Variants in RBFOX1 observed in about 807,000 individuals in gnomAD.
RBFOX1 encodes RNA binding protein fox-1 homolog 1.
Under a neutral mutation model 57.7 loss-of-function variants are expected in RBFOX1, and 8 were observed. The ratio of observed to expected loss-of-function variants is 0.14; its 90% CI spans 0.08 to 0.25. The LOEUF is 0.25. Ranked by LOEUF, RBFOX1 falls within the 10% of genes least tolerant of loss-of-function variation. The pLI is 1.00. For synonymous variants in RBFOX1, 326 were observed against 222.4 expected (o/e 1.47, Z -4.15); for missense variants, 611 against 548.5 (o/e 1.11, Z -1.14).
intron 3 of RBFOX1, among the ~76,000 whole-genome samples, chr16:7,036,201 CA>C (rs2044365922): frequency 9.7e-6 from 1 of 103,006 alleles, no homozygotes; most frequent in African/African-American, 3.1e-5. Context: ...TTCACCTTGA[CA>C]TTTTTTTTTT....
At chr16:5,337,902 G>A (rs1253280447) in intron 1 of RBFOX1, among the ~76,000 whole-genome samples, 1 of 152,040 alleles carries the variant, frequency 6.6e-6, no homozygotes, top group East Asian at 1.9e-4. Flanking sequence ...AAATTAGCTG[G>A]ACATGGTGGT....
chr16:6,139,367 G>A (rs535301316), intron 1 of RBFOX1, among the ~76,000 whole-genome samples: 60 of 152,282 alleles, frequency 3.9e-4, no homozygotes, highest in African/African-American at 1.4e-3. Context: ...GCTGCTTTCT[G>A]GCTGTGTGGT....
At chr16:5,846,088 A>G (rs1597468789) in intron 3 of RBFOX1, among the ~76,000 whole-genome samples, 1 of 152,094 alleles carries the variant, frequency 6.6e-6, no homozygotes. Flanking sequence ...AGGCTGAGGT[A>G]GGAGAATCAC....
At chr16:5,291,358 G>T (rs2063531184) in intron 1 of RBFOX1, among the ~76,000 whole-genome samples, 1 of 151,294 alleles carries the variant, frequency 6.6e-6, no homozygotes, top group Non-Finnish European at 1.5e-5. Context: ...CGCCTTCCGG[G>T]TTCACGCCAT....
At chr16:7,639,244 C>G (rs573344616) in intron 11 of RBFOX1, among the ~76,000 whole-genome samples, 12 of 152,280 alleles carry the variant, frequency 7.9e-5, no homozygotes, top group African/African-American at 2.6e-4. Flanking sequence ...GATCTTCTGT[C>G]TGAACTGTTT....
At chr16:5,599,163 C>G (rs551557178) in exon 3 of RBFOX1, 43 of 707,952 alleles carry the variant, frequency 6.1e-5, no homozygotes, top group Admixed American at 1.4e-4. Context: ...TTCCCAGCCT[C>G]TGGTACATGG....
intron 5 of RBFOX1, among the ~76,000 whole-genome samples, chr16:7,567,084 T>TGTATATATATCCCTATATATATATATCC (rs1427716551): frequency 7.4e-6 from 1 of 135,832 alleles, no homozygotes; most frequent in Non-Finnish European, 1.6e-5. Context: ...AAGCTGGATA[T>TGTATATATATCCCTATATATATATATCC]ATATATATCT....
At chr16:6,477,809 C>G (rs570191289) in intron 2 of RBFOX1, among the ~76,000 whole-genome samples, 107 of 152,324 alleles carry the variant, frequency 7.0e-4, no homozygotes, top group African/African-American at 2.5e-3. Context: ...AGTGTAGCCA[C>G]CTTCGTCAGT....
At chr16:6,916,948 C>A (rs1483908623) in intron 3 of RBFOX1, among the ~76,000 whole-genome samples, 6 of 152,138 alleles carry the variant, frequency 3.9e-5, no homozygotes, top group Admixed American at 3.3e-4. Context: ...CTTCCAGGTT[C>A]AAGCGGTTTT....
At chr16:6,480,829 C>T (rs2095360777) in intron 2 of RBFOX1, among the ~76,000 whole-genome samples, 1 of 152,090 alleles carries the variant, frequency 6.6e-6, no homozygotes, top group South Asian at 2.1e-4. Context: ...CCTACATATT[C>T]ATGTCTATAT....
chr16:6,518,851 C>T (rs1464244190), intron 2 of RBFOX1, among the ~76,000 whole-genome samples: 6 of 147,894 alleles, frequency 4.1e-5, no homozygotes. Context: ...ATCTATCTGT[C>T]TTCCTGCAGA....
At chr16:7,656,264 T>G (rs915322076) in intron 12 of RBFOX1, among the ~76,000 whole-genome samples, 5 of 152,158 alleles carry the variant, frequency 3.3e-5, no homozygotes, top group African/African-American at 1.2e-4. Flanking sequence ...TGCCTGGGTG[T>G]TTCACTGGAT....
chr16:6,829,798 C>T (rs781403233), intron 3 of RBFOX1, among the ~76,000 whole-genome samples: 9 of 152,080 alleles, frequency 5.9e-5, no homozygotes, highest in East Asian at 1.9e-4. Flanking sequence ...AATAGGATTT[C>T]GCCACGTTGG....
intron 1 of RBFOX1, among the ~76,000 whole-genome samples, chr16:6,293,173 A>G (rs2077651947): frequency 6.6e-6 from 1 of 152,180 alleles, no homozygotes; most frequent in South Asian, 2.1e-4. Flanking sequence ...TTAAGTGGGT[A>G]ATATTGTCAT....
chr16:5,615,703 G>T (rs1046125297), intron 3 of RBFOX1, among the ~76,000 whole-genome samples: 2 of 152,222 alleles, frequency 1.3e-5, no homozygotes, highest in Non-Finnish European at 2.9e-5. Context: ...GAAGGGGGCA[G>T]ATCCACATTT....
At chr16:6,582,613 C>G (rs1045196304) in intron 2 of RBFOX1, among the ~76,000 whole-genome samples, 1 of 151,960 alleles carries the variant, frequency 6.6e-6, no homozygotes, top group Non-Finnish European at 1.5e-5. Context: ...ATGATGACAT[C>G]GTAGATCCAA....
At chr16:6,800,176 C>A (rs79716412) in intron 3 of RBFOX1, among the ~76,000 whole-genome samples, 1 of 148,874 alleles carries the variant, frequency 6.7e-6, no homozygotes, top group Non-Finnish European at 1.5e-5. Flanking sequence ...CAGTTTTGAT[C>A]AACAGGGTAT....
chr16:6,523,752 A>G (rs760736102), intron 2 of RBFOX1, among the ~76,000 whole-genome samples: 13 of 152,206 alleles, frequency 8.5e-5, no homozygotes, highest in Non-Finnish European at 1.9e-4. Flanking sequence ...TTGGTTGACT[A>G]TAAAAAAGCG....
intron 3 of RBFOX1, among the ~76,000 whole-genome samples, chr16:7,013,116 T>C (rs1246243758): frequency 6.6e-6 from 1 of 152,178 alleles, no homozygotes; most frequent in Non-Finnish European, 1.5e-5. Flanking sequence ...CATCTCCAAA[T>C]GTCTTTAGAC....
Sources: allele counts gnomAD v4.1 joint callset (sites outside exome capture counted in the v4.1 genomes callset), GRCh38; gene constraint gnomAD v4.1.1; transcripts MANE v1.5; gene names NCBI Gene and HGNC (gene_info 2026-07-23, HGNC 2026-07-21).